The following RBMS3 variants were observed in gnomAD, a reference collection of about 807,000 sequenced individuals.
RBMS3 encodes the protein RNA binding motif single stranded interacting protein 3, also known as RNA-binding motif, single-stranded-interacting protein 3.
A neutral mutation model predicts 66.8 loss-of-function variants in RBMS3; 27 were observed. That is an observed-to-expected ratio of 0.40 (90% CI 0.30 to 0.56). RBMS3 has a LOEUF of 0.56. Among genes scored for constraint, RBMS3 ranks in the 20% least tolerant of loss-of-function variants. RBMS3 has a pLI of 0.40. For synonymous variants in RBMS3, 188 were observed against 183.0 expected (o/e 1.03, Z -0.22); for missense variants, 513 against 549.5 (o/e 0.93, Z 0.66).
intron 2 of RBMS3, among the ~76,000 whole-genome samples, chr3:29,466,407 T>C (rs771727915): frequency 5.9e-5 from 9 of 152,198 alleles, no homozygotes; most frequent in Non-Finnish European, 1.2e-4. Context: ...TTTGAATTCA[T>C]GGACCTAGTG....
chr3:29,691,967 T>TTTTTTTTTTTTTTTTTTTTG (rs1559574585), intron 4 of RBMS3, among the ~76,000 whole-genome samples: 1 of 144,346 alleles, frequency 6.9e-6, no homozygotes, highest in African/African-American at 2.6e-5. Context: ...TTTTTTTTTT[T>TTTTTTTTTTTTTTTTTTTTG]GAGATGGAGT....
intron 12 of RBMS3, among the ~76,000 whole-genome samples, chr3:29,966,218 A>C (rs1696838701): frequency 6.6e-6 from 1 of 152,110 alleles, no homozygotes; most frequent in Non-Finnish European, 1.5e-5. Flanking sequence ...GTTCCATATG[A>C]ATTTTAGAAT....
chr3:29,640,627 G>T (rs1487180110), intron 4 of RBMS3, among the ~76,000 whole-genome samples: 1 of 151,980 alleles, frequency 6.6e-6, no homozygotes, highest in South Asian at 2.1e-4. Context: ...GATTCCACTG[G>T]TTCAAAGTGG....
At chr3:29,841,505 C>T (rs7613154) in intron 6 of RBMS3, among the ~76,000 whole-genome samples, 84,422 of 151,782 alleles carry the variant, frequency 0.56, 23,824 homozygotes, top group Non-Finnish European at 0.59. Context: ...TATAGACAGG[C>T]TATAAGCTTC....
intron 3 of RBMS3, among the ~76,000 whole-genome samples, chr3:29,557,038 G>T (rs1011816315): frequency 6.6e-6 from 1 of 152,100 alleles, no homozygotes; most frequent in Admixed American, 6.5e-5. Flanking sequence ...TTCTCTGTCT[G>T]CTTCTTTCTG....
chr3:29,696,978 G>T, intron 4 of RBMS3: 5 of 975,182 alleles, frequency 5.1e-6, no homozygotes, highest in Non-Finnish European at 6.1e-6. Flanking sequence ...ACCCCTAGTA[G>T]TTGTGATTTC....
At chr3:29,529,781 A>C (rs2045278555) in intron 3 of RBMS3, among the ~76,000 whole-genome samples, 1 of 152,188 alleles carries the variant, frequency 6.6e-6, no homozygotes, top group South Asian at 2.1e-4. Flanking sequence ...TGGAAGCAAA[A>C]TTCACAAATA....
rs998406212 is a variant in RBMS3 at position 29,313,940 on chromosome 3, G to A, written c.75+32184G>A. ...GGAGAGTAGTCAGCACAAATTAGAT[G>A]GATTATCCTTTAACAAATACACAGA... On this transcript the variant is annotated intron_variant, in intron 1 of 14. Coordinates refer to ENST00000383767, the MANE Select transcript of RBMS3 (RefSeq NM_001003793.3). Among the ~76,000 whole-genome samples the A allele has an allele frequency of 2.6e-5, 4 of 151,714 alleles. No homozygotes were observed. The South Asian group carries it at 6.2e-4, about 24-fold the overall frequency.
intron 14 of RBMS3, among the ~76,000 whole-genome samples, chr3:29,994,708 G>A (rs11710961): frequency 6.6e-6 from 1 of 152,162 alleles, no homozygotes; most frequent in African/African-American, 2.4e-5. Flanking sequence ...CTGCAGCTGA[G>A]GATCCTCTCT....
chr3:29,524,415 A>ATTTTTTTTTTTTTTTTTTTTT (rs1222102515), intron 3 of RBMS3, among the ~76,000 whole-genome samples: 1 of 57,074 alleles, frequency 1.8e-5, no homozygotes, highest in Non-Finnish European at 3.1e-5. Flanking sequence ...CTCCCTTTAC[A>ATTTTTTTTTTTTTTTTTTTTT]TTTTTTTTTT....
chr3:29,432,734 G>C (rs557437751), intron 1 of RBMS3, among the ~76,000 whole-genome samples: 1 of 152,276 alleles, frequency 6.6e-6, no homozygotes, highest in South Asian at 2.1e-4. Context: ...TGAAAGCTGT[G>C]AAGGAAAATA....
At chr3:29,924,431 C>T (rs1264730091) in intron 10 of RBMS3, among the ~76,000 whole-genome samples, 1 of 151,516 alleles carries the variant, frequency 6.6e-6, no homozygotes, top group Non-Finnish European at 1.5e-5. Flanking sequence ...AGGATTCACA[C>T]TGGGGGAAAC....
At chr3:29,978,662 A>C (rs995271393) in intron 12 of RBMS3, among the ~76,000 whole-genome samples, 1 of 151,482 alleles carries the variant, frequency 6.6e-6, no homozygotes, top group African/African-American at 2.4e-5. Flanking sequence ...TGGAAAAAAC[A>C]AAAAAAAACT....
chr3:29,893,867 C>A (rs1277360331), intron 8 of RBMS3, among the ~76,000 whole-genome samples: 2 of 151,474 alleles, frequency 1.3e-5, no homozygotes, highest in South Asian at 4.1e-4. Context: ...TATTGATCTT[C>A]CTGTATGGTA....
intron 2 of RBMS3, among the ~76,000 whole-genome samples, chr3:29,478,772 T>C (rs144998232): frequency 0.014 from 2,180 of 152,342 alleles, 121 homozygotes; most frequent in Admixed American, 0.1. Flanking sequence ...TTCCATTACG[T>C]ATTCGGTTGA....
rs148995945 is a variant in RBMS3 at position 29,332,042 on chromosome 3, C to T, written c.75+50286C>T. On this transcript the variant is annotated intron_variant, in intron 1 of 14. Transcript: ENST00000383767. ...GGTGTCTTCCACTCCACAGCTCCTC[C>T]GTAGTTGGTTGCTGCCTTCTACTGA... is the stretch of plus-strand genomic sequence containing the variant. Among the ~76,000 whole-genome samples the T allele has an allele frequency of 2.4e-3, 369 of 152,058 alleles. 1 individual carries two copies. Among genetic ancestry groups the T allele is most frequent in the African/African-American group, 8.4e-3 (347 of 41,500 alleles).
intron 1 of RBMS3, among the ~76,000 whole-genome samples, chr3:29,374,838 A>T (rs1249459106): frequency 1.3e-5 from 2 of 152,248 alleles, no homozygotes; most frequent in African/African-American, 2.4e-5. Context: ...TTTTACCATT[A>T]TCTATGCTTT....
At chr3:29,650,797 A>G (rs1268642167) in intron 4 of RBMS3, among the ~76,000 whole-genome samples, 2 of 152,206 alleles carry the variant, frequency 1.3e-5, no homozygotes. Context: ...AAAAGTACCC[A>G]TTTTATTAAA....
intron 4 of RBMS3, among the ~76,000 whole-genome samples, chr3:29,595,397 T>TA (rs551487113): frequency 0.24 from 23,706 of 99,638 alleles, 3,258 homozygotes; most frequent in African/African-American, 0.41. Flanking sequence ...AGAGTCAGTC[T>TA]AAAAAAAAAA....
Sources: allele counts gnomAD v4.1 joint callset (sites outside exome capture counted in the v4.1 genomes callset), GRCh38; gene constraint gnomAD v4.1.1; transcripts MANE v1.5; gene names NCBI Gene and HGNC (gene_info 2026-07-23, HGNC 2026-07-21).